PHF20L1: variants seen among roughly 807,000 people sequenced by gnomAD.
PHF20L1 encodes PHD finger protein 20-like protein 1.
A neutral mutation model predicts 125.5 loss-of-function variants in PHF20L1; 44 were observed. The ratio of observed to expected loss-of-function variants is 0.35; its 90% CI spans 0.28 to 0.45. The LOEUF (loss-of-function observed/expected upper bound fraction) is 0.45. PHF20L1 is among the 20% of genes least tolerant of loss of function. The probability of loss-of-function intolerance (pLI) is 1.00; values close to 1 mark genes in which losing one functional copy is unlikely to be tolerated. For missense variants in PHF20L1, 1,012 were observed against 1,217.2 expected (o/e 0.83, Z 2.51); for synonymous variants, 380 against 403.1 (o/e 0.94, Z 0.69).
At chr8:132,796,781 C>T (rs1249936501) in intron 4 of PHF20L1, among the ~76,000 whole-genome samples, 2 of 151,976 alleles carry the variant, frequency 1.3e-5, no homozygotes, top group Admixed American at 1.3e-4. Flanking sequence ...GAGCCTAGCA[C>T]ATAGTAGACA....
intron 14 of PHF20L1, among the ~76,000 whole-genome samples, chr8:132,829,762 T>C (rs1037489554): frequency 6.6e-6 from 1 of 152,108 alleles, no homozygotes; most frequent in Non-Finnish European, 1.5e-5. Context: ...GGTTTGAATG[T>C]TGGCTTTGCT....
chr8:132,843,485 A>G (rs1838136335), intron 19 of PHF20L1: 7 of 981,822 alleles, frequency 7.1e-6, no homozygotes, highest in Non-Finnish European at 8.5e-6. Context: ...ATTACCATAA[A>G]TAAGTACTTA....
At chr8:132,807,160 A>G (rs1338962221) in intron 8 of PHF20L1, 8 of 152,704 alleles carry the variant, frequency 5.2e-5, no homozygotes, top group Admixed American at 5.2e-4. Context: ...ACATATACAT[A>G]TATCATATAT....
intron 17 of PHF20L1, 111 bp from the exon 18 acceptor site, chr8:132,839,276 T>TC (rs1837688055): frequency 1.3e-6 from 1 of 785,298 alleles, no homozygotes. Flanking sequence ...TTGAATCTGC[T>TC]CCTAGTGCTA....
chr8:132,814,573 T>C, intron 9 of PHF20L1, 64 bp from the exon 10 acceptor site: 3 of 1,173,844 alleles, frequency 2.6e-6, no homozygotes, highest in Non-Finnish European at 3.6e-6. Flanking sequence ...ACAGTCAAAA[T>C]AGAATACAAG....
rs1838405480 is a variant in PHF20L1, at chr8:132,846,145, G to A, written c.*222G>A. The A allele has an allele frequency of 1.9e-5, 9 of 468,710 alleles. No individual in the cohort carries two copies. The South Asian group carries it at 2.5e-4, about 13-fold the overall frequency. The allele number at this position is 468,710 out of a possible 1,614,324, so 29.0% of individuals were successfully genotyped here. On this transcript the variant is annotated 3_prime_UTR_variant, in exon 21 of 21. Coordinates refer to ENST00000395386, the MANE Select transcript of PHF20L1 (RefSeq NM_016018.5). ...TCATGAGCAAGCTGCAAATGAGAAT[G>A]TGTTATATGCCAAGGAACAATGAAG...
rs1838553130 is a variant in PHF20L1 at position 132,848,266 on chromosome 8, T to C, written c.*2343T>C. 6.6e-6 allele frequency: 1 copy of C among 152,414 alleles called. No individual in the cohort carries two copies. The highest frequency in any genetic ancestry group is 1.5e-5 in the Non-Finnish European group (1 of 67,968). The allele number at this position is 152,414 out of a possible 1,614,324, so 9.4% of individuals were successfully genotyped here. A position where few individuals can be genotyped will look rare whatever the true frequency, so the allele number is the denominator to read the frequency against. On this transcript the variant is annotated 3_prime_UTR_variant, in exon 21 of 21. Coordinates refer to ENST00000395386, the MANE Select transcript of PHF20L1 (RefSeq NM_016018.5). ...CGAACTGGAAATCTGAATTTTTAAA[T>C]TTAGATCTTTAAATCAAATTATTTT...
intron 2 of PHF20L1, among the ~76,000 whole-genome samples, chr8:132,784,986 A>G (rs2131354125): frequency 6.6e-6 from 1 of 152,278 alleles, no homozygotes; most frequent in East Asian, 1.9e-4. Context: ...CTTCATAATC[A>G]AACCTCCAAG....
At chr8:132,817,736 T>G in intron 12 of PHF20L1, 191 bp downstream of exon 12, 1 of 556,508 alleles carries the variant, frequency 1.8e-6, no homozygotes, top group Non-Finnish European at 3.2e-6. Context: ...TTTACAATCA[T>G]ATTCCCTGGA....
chr8:132,814,547 A>G (rs1413537397), intron 9 of PHF20L1, 90 bp from the exon 10 acceptor site: 11 of 826,700 alleles, frequency 1.3e-5, no homozygotes, highest in Non-Finnish European at 1.8e-5. Flanking sequence ...ATGTTTCTGG[A>G]TACTAAAGTT....
At position 132,792,863 on chromosome 8, in the gene PHF20L1, T is replaced by TC. The variant is rs529157805; in HGVS notation, c.84-1545dup. Among the ~76,000 whole-genome samples, 282 of 152,290 alleles carry TC rather than the reference T, an allele frequency of 1.9e-3. 3 individuals carry two copies. Among genetic ancestry groups the TC allele is most frequent in the South Asian group, 7.5e-3 (36 of 4,824 alleles). ...CTCTAGTAACACTGAATGCTTTATC[T>TC]CCGTCTCGTTGACTGCACCAAGAAG... On this transcript the variant is annotated intron_variant, in intron 2 of 20. Transcript: ENST00000395386.
intron 8 of PHF20L1, chr8:132,809,092 A>G (rs1202905011): frequency 2.0e-5 from 3 of 152,208 alleles, no homozygotes; most frequent in South Asian, 4.2e-4. Context: ...CATTCTGAGT[A>G]CTAGGTACCT....
At chr8:132,827,438 T>C (rs1836303195) in intron 14 of PHF20L1, among the ~76,000 whole-genome samples, 1 of 152,064 alleles carries the variant, frequency 6.6e-6, no homozygotes, top group South Asian at 2.1e-4. Context: ...AATGGCCAGC[T>C]ATTTCAGGGT....
At chr8:132,795,999 C>T (rs1832346128) in intron 4 of PHF20L1, among the ~76,000 whole-genome samples, 1 of 152,006 alleles carries the variant, frequency 6.6e-6, no homozygotes, top group Non-Finnish European at 1.5e-5. Context: ...AAAGCGAAAT[C>T]GCGGATAAGG....
chr8:132,803,681 A>T (rs1431245197), intron 6 of PHF20L1, 138 bp from the exon 7 acceptor site: 6 of 590,500 alleles, frequency 1.0e-5, no homozygotes, highest in Non-Finnish European at 1.8e-5. Flanking sequence ...CTATCATGTA[A>T]ATATTGTTAT....
intron 14 of PHF20L1, among the ~76,000 whole-genome samples, chr8:132,831,729 A>T (rs540555247): frequency 9.9e-5 from 15 of 152,040 alleles, no homozygotes; most frequent in Admixed American, 9.2e-4. Context: ...CATGTACAGG[A>T]TGTGCAGGTT....
chr8:132,813,988 TTTG>T (rs1473634292), intron 9 of PHF20L1, among the ~76,000 whole-genome samples: 3 of 151,922 alleles, frequency 2.0e-5, no homozygotes, highest in African/African-American at 7.2e-5. Context: ...TGGTTTTTTT[TTTG>T]TTGTTGTTGC....
Position 132,812,415 on chromosome 8 carries a change from C to T in PHF20L1, c.930+1287C>T, listed in dbSNP as rs80010477. Reference sequence around the variant, plus strand: ...GGAAGTTAGTGTAGAGGGCAGTACCCGTCTTAGAGAGAAGTACAGAAAACC... The same window carrying T: ...GGAAGTTAGTGTAGAGGGCAGTACCTGTCTTAGAGAGAAGTACAGAAAACC... On this transcript the variant is annotated intron_variant, in intron 9 of 20. Coordinates refer to ENST00000395386, the MANE Select transcript of PHF20L1 (RefSeq NM_016018.5). The T allele has an allele frequency of 8.9e-5, 88 of 984,830 alleles. No individual in the cohort carries two copies. The Admixed American group carries it at 1.5e-3, about 17-fold the overall frequency. 61.0% of individuals were successfully genotyped at this position (984,830 alleles called of 1,614,324 possible). A position where few individuals can be genotyped will look rare whatever the true frequency, so the allele number is the denominator to read the frequency against.
chr8:132,792,414 C>T (rs147772224), intron 2 of PHF20L1, among the ~76,000 whole-genome samples: 239 of 152,254 alleles, frequency 1.6e-3, no homozygotes, highest in African/African-American at 5.2e-3. Context: ...GCAGGCATGT[C>T]CACCTCAGGA....
Sources: gnomAD v4.1 joint callset for allele counts (sites outside exome capture counted in the v4.1 genomes callset) on GRCh38, gnomAD v4.1.1 for gene constraint, MANE v1.5 for transcripts, NCBI Gene and HGNC (gene_info 2026-07-23, HGNC 2026-07-21) for gene names.